The following WFDC1 variants were observed in gnomAD, a reference collection of about 807,000 sequenced individuals.
WFDC1 encodes the protein WAP four-disulfide core domain protein 1.
A neutral mutation model predicts 32.9 loss-of-function variants in WFDC1; 39 were observed. The observed-to-expected ratio is 1.19, with a 90% confidence interval of 0.92 to 1.55. The LOEUF is 1.55. WFDC1 is among the 40% of genes most tolerant of loss of function. The pLI, the probability that WFDC1 is intolerant of heterozygous loss-of-function variation, is 0.00. For missense variants in WFDC1, 386 were observed against 309.5 expected, an observed-to-expected ratio of 1.25 and a Z score of -1.85; for synonymous variants, 184 against 137.4, an observed-to-expected ratio of 1.34 and a Z score of -2.37.
chr16:84,298,164 G>A (rs1056600685), intron 1 of WFDC1, among the ~76,000 whole-genome samples: 34 of 151,754 alleles, frequency 2.2e-4, no homozygotes, highest in Admixed American at 1.6e-3. Flanking sequence ...ACAGAGTCCC[G>A]TGGTGTGATC....
intron 2 of WFDC1, among the ~76,000 whole-genome samples, chr16:84,313,958 C>G (rs1461223495): frequency 1.3e-5 from 2 of 152,156 alleles, no homozygotes; most frequent in East Asian, 1.9e-4. Context: ...AGGAGAATCA[C>G]TTGAACCCAG....
chr16:84,313,302 G>T, intron 2 of WFDC1, 149 bp downstream of exon 2: 1 of 652,838 alleles, frequency 1.5e-6, no homozygotes, highest in Non-Finnish European at 2.2e-6. Context: ...AACTGGGACG[G>T]GCGCTCCTTG....
chr16:84,328,701 T>G (rs532166898), intron 6 of WFDC1: 1 of 152,092 alleles, frequency 6.6e-6, no homozygotes, highest in Non-Finnish European at 1.5e-5. Flanking sequence ...TCTCAACATT[T>G]TGGGAGACCG....
At chr16:84,315,410 T>C (rs1907891104) in intron 2 of WFDC1, among the ~76,000 whole-genome samples, 1 of 152,240 alleles carries the variant, frequency 6.6e-6, no homozygotes, top group Admixed American at 6.5e-5. Flanking sequence ...AGGGAGTTTG[T>C]CTTTCATTCA....
At chr16:84,318,634 GT>G in intron 3 of WFDC1, 1 of 351,502 alleles carries the variant, frequency 2.8e-6, no homozygotes. Context: ...CTTAGGGTTG[GT>G]TTTCAAATTC....
At chr16:84,329,059 T>TC (rs1908770125) in intron 6 of WFDC1, 1 of 152,184 alleles carries the variant, frequency 6.6e-6, no homozygotes, top group South Asian at 2.1e-4. Flanking sequence ...AGCCTCAGCC[T>TC]CCTCATCTAT....
intron 1 of WFDC1, among the ~76,000 whole-genome samples, chr16:84,306,305 A>G (rs2326207): frequency 0.51 from 77,292 of 151,966 alleles, 20,830 homozygotes; most frequent in Middle Eastern, 0.64. Context: ...TGTATAAGAG[A>G]TCATGAGCTT....
intron 1 of WFDC1, among the ~76,000 whole-genome samples, chr16:84,302,940 A>G (rs1294458747): frequency 6.6e-6 from 1 of 152,070 alleles, no homozygotes; most frequent in Non-Finnish European, 1.5e-5. Context: ...AAAGTTCTAG[A>G]GGACTCTCGG....
Position 84,324,433 on chromosome 16 carries a change from C to A in WFDC1, c.577C>A (p.Arg193=). ...QRRQADGRIL[R]HKLYKEYPEG... ...TTGTTTTCCAGATGGGCGAATCCTACGACACAAACTTTACAAAGAATATCC... is the reference window on the plus strand; with the variant it reads ...TTGTTTTCCAGATGGGCGAATCCTAAGACACAAACTTTACAAAGAATATCC... Residue 193 remains arginine (R), a synonymous_variant, in exon 5 of 7, where the codon CGA becomes AGA. Transcript: ENST00000219454. The A allele has an allele frequency of 1.2e-6, 2 of 1,613,726 alleles. No homozygotes were observed.
chr16:84,314,484 C>T (rs1171954103), intron 2 of WFDC1, among the ~76,000 whole-genome samples: 5 of 152,074 alleles, frequency 3.3e-5, no homozygotes, highest in Non-Finnish European at 7.4e-5. Flanking sequence ...TTAGGGAAGG[C>T]GGCTCGAGAA....
intron 1 of WFDC1, among the ~76,000 whole-genome samples, chr16:84,302,723 G>C (rs112121114): frequency 6.6e-6 from 1 of 152,096 alleles, no homozygotes; most frequent in Non-Finnish European, 1.5e-5. Flanking sequence ...CAATTCGTTC[G>C]CCTTATCTGT....
At chr16:84,298,865 C>T (rs942150405) in intron 1 of WFDC1, among the ~76,000 whole-genome samples, 12 of 152,186 alleles carry the variant, frequency 7.9e-5, no homozygotes, top group Non-Finnish European at 1.5e-4. Flanking sequence ...ATGAGAAGTG[C>T]CGGGTCTCCC....
intron 1 of WFDC1, among the ~76,000 whole-genome samples, chr16:84,303,021 CTTTT>C (rs35785853): frequency 7.4e-5 from 10 of 135,058 alleles, no homozygotes; most frequent in Admixed American, 3.0e-4. Flanking sequence ...TTCTTTCTTT[CTTTT>C]TTTTTTTTTT....
At chr16:84,308,968 C>A (rs1907446404) in intron 1 of WFDC1, among the ~76,000 whole-genome samples, 1 of 152,150 alleles carries the variant, frequency 6.6e-6, no homozygotes, top group Admixed American at 6.5e-5. Context: ...CTCAGGATAC[C>A]CCAGGAGGGA....
intron 1 of WFDC1, 143 bp downstream of exon 1, chr16:84,295,258 C>A: frequency 8.8e-7 from 1 of 1,132,960 alleles, no homozygotes; most frequent in Non-Finnish European, 1.2e-6. Context: ...CCGTGTGTGT[C>A]TGAGTTGTGT....
chr16:84,318,999 A>T (rs567213275), intron 3 of WFDC1: 5 of 213,534 alleles, frequency 2.3e-5, no homozygotes, highest in Non-Finnish European at 4.7e-5. Flanking sequence ...GCGTGTGTGT[A>T]TGTGGGTGTG....
rs959689420 is a variant in WFDC1, at chr16:84,313,041, C to T, written c.225C>T (p.Pro75=). 4 of 1,367,094 alleles carry T rather than the reference C, an allele frequency of 2.9e-6. No individual in the cohort carries two copies. Among genetic ancestry groups the T allele is most frequent in the African/African-American group, 1.5e-5 (1 of 65,328 alleles). The allele number at this position is 1,367,094 out of a possible 1,614,324, so 84.7% of individuals were successfully genotyped here. A position where few individuals can be genotyped will look rare whatever the true frequency, so the allele number is the denominator to read the frequency against. ...CGCCGCCTCCGCGGACGCTGCCCCC[C>T]GGCGCCTGCCAGGCCGCGCGCTGTC... ...RCPPPPRTLP[P]GACQAARCQA... The change falls in exon 2 of 7, where the codon CCC becomes CCT. Residue 75 remains proline, a synonymous_variant. Transcript: ENST00000219454.
intron 1 of WFDC1, among the ~76,000 whole-genome samples, chr16:84,310,933 G>C (rs571828001): frequency 6.6e-6 from 1 of 152,272 alleles, no homozygotes; most frequent in Admixed American, 6.5e-5. Context: ...CTTGTGGGGA[G>C]GTAAGTAGGT....
chr16:84,299,160 A>G (rs2014524471), intron 1 of WFDC1, among the ~76,000 whole-genome samples: 1 of 152,136 alleles, frequency 6.6e-6, no homozygotes, highest in South Asian at 2.1e-4. Flanking sequence ...CGGGAGTTCA[A>G]AACCAGCCTG....
Sources: gnomAD v4.1 joint callset for allele counts (sites outside exome capture counted in the v4.1 genomes callset) on GRCh38, gnomAD v4.1.1 for gene constraint, MANE v1.5 for transcripts, NCBI Gene and HGNC (gene_info 2026-07-23, HGNC 2026-07-21) for gene names.